Variants in KCNIP4 observed in about 807,000 individuals in gnomAD.
The protein encoded by KCNIP4 is potassium voltage-gated channel interacting protein 4.
Under a neutral mutation model 34.0 loss-of-function variants are expected in KCNIP4, and 12 were observed. The ratio of observed to expected loss-of-function variants is 0.35; its 90% CI spans 0.23 to 0.57. KCNIP4 has a LOEUF of 0.57. KCNIP4 is among the 20% of genes least tolerant of loss of function. KCNIP4 has a pLI of 0.83. For synonymous variants in KCNIP4, 124 were observed against 102.2 expected (o/e 1.21, Z -1.29); for missense variants, 238 against 311.7 (o/e 0.76, Z 1.78).
intron 1 of KCNIP4, among the ~76,000 whole-genome samples, chr4:21,146,405 GA>G (rs5856606): frequency 0.36 from 53,198 of 149,646 alleles, 9,503 homozygotes; most frequent in African/African-American, 0.4. Flanking sequence ...TCAAAAAAAA[GA>G]AAAAAAAAAG....
intron 1 of KCNIP4, among the ~76,000 whole-genome samples, chr4:21,796,970 C>T (rs191887414): frequency 1.3e-5 from 2 of 152,258 alleles, no homozygotes; most frequent in African/African-American, 2.4e-5. Flanking sequence ...AAAGCTTGGA[C>T]ATATTCTGAG....
rs144773769 is a variant in KCNIP4, at chr4:21,583,262, A to T, written c.61+365309T>A. Among the ~76,000 whole-genome samples, 11 of 152,140 alleles carry T rather than the reference A, an allele frequency of 7.2e-5. No homozygotes were observed. In the East Asian group the frequency reaches 1.9e-3, roughly 27 times the overall value. On this transcript the variant is annotated intron_variant, in intron 1 of 8. Transcript: ENST00000382152. ...AGGATTTTAGCATCTGATAAATCTA[A>T]AGTTAAATATCTGAGTTCAAGGCCA...
At chr4:20,973,453 A>T (rs1735170231) in intron 1 of KCNIP4, among the ~76,000 whole-genome samples, 3 of 152,158 alleles carry the variant, frequency 2.0e-5, no homozygotes, top group African/African-American at 7.2e-5. Context: ...GGCTGGTTTG[A>T]TATTCTATTC....
intron 1 of KCNIP4, among the ~76,000 whole-genome samples, chr4:21,421,315 G>A (rs1725433442): frequency 1.3e-5 from 2 of 152,142 alleles, no homozygotes; most frequent in African/African-American, 4.8e-5. Context: ...AGAGATATCT[G>A]CACTCTCATG....
At chr4:21,514,815 C>T (rs945475375) in intron 1 of KCNIP4, among the ~76,000 whole-genome samples, 2 of 152,122 alleles carry the variant, frequency 1.3e-5, no homozygotes, top group Admixed American at 6.5e-5. Context: ...TATAGGCTCT[C>T]CACTCCTTCC....
At chr4:21,183,953 C>A (rs902391711) in intron 1 of KCNIP4, among the ~76,000 whole-genome samples, 5 of 152,088 alleles carry the variant, frequency 3.3e-5, no homozygotes, top group Non-Finnish European at 7.4e-5. Context: ...TATTCCTTTG[C>A]AATAATTGAT....
intron 1 of KCNIP4, among the ~76,000 whole-genome samples, chr4:21,281,159 T>C (rs1385003417): frequency 6.6e-6 from 1 of 150,464 alleles, no homozygotes; most frequent in African/African-American, 2.5e-5. Context: ...CGATCTTGGC[T>C]CACCACAACA....
intron 1 of KCNIP4, among the ~76,000 whole-genome samples, chr4:21,939,536 G>A (rs774105720): frequency 6.6e-6 from 1 of 152,032 alleles, no homozygotes; most frequent in Non-Finnish European, 1.5e-5. Flanking sequence ...GCCTGGTTCT[G>A]CACTCTCATT....
At chr4:21,042,140 G>A (rs115268349) in intron 1 of KCNIP4, among the ~76,000 whole-genome samples, 2,858 of 152,168 alleles carry the variant, frequency 0.019, 79 homozygotes, top group African/African-American at 0.063. Context: ...AGGGTGTTGG[G>A]CATTTCCCTA....
intron 1 of KCNIP4, among the ~76,000 whole-genome samples, chr4:21,114,527 A>T (rs1444143381): frequency 6.6e-6 from 1 of 152,122 alleles, no homozygotes; most frequent in African/African-American, 2.4e-5. Context: ...ATAAAAAAAT[A>T]AAAAATAAAA....
At chr4:21,808,238 T>C (rs951956890) in intron 1 of KCNIP4, among the ~76,000 whole-genome samples, 2 of 152,162 alleles carry the variant, frequency 1.3e-5, no homozygotes, top group African/African-American at 2.4e-5. Flanking sequence ...ATACAGTTGA[T>C]CCTTGAACAC....
At chr4:20,803,414 C>T (rs537604671) in intron 3 of KCNIP4, among the ~76,000 whole-genome samples, 1 of 141,988 alleles carries the variant, frequency 7.0e-6, no homozygotes, top group South Asian at 2.3e-4. Flanking sequence ...GGTGGAATGC[C>T]CTGAGCTCAG....
At position 21,519,785 on chromosome 4, in the gene KCNIP4, ATG is replaced by A. The variant is rs200025206; in HGVS notation, c.61+428784_61+428785del. On this transcript the variant is annotated intron_variant, in intron 1 of 8. Transcript: ENST00000382152. ...TATGTGTGTATACACACGTGTGTGT[ATG>A]TGTGTGTATACACGTGTGTGTATGT... Among the ~76,000 whole-genome samples the A allele has an allele frequency of 4.1e-3, 525 of 128,556 alleles. 13 individuals carry two copies. The highest frequency in any genetic ancestry group is 0.016 in the African/African-American group (491 of 31,474). 84.3% of individuals were successfully genotyped at this position (128,556 alleles called of 152,430 possible). A position where few individuals can be genotyped will look rare whatever the true frequency, so the allele number is the denominator to read the frequency against.
intron 1 of KCNIP4, among the ~76,000 whole-genome samples, chr4:20,884,608 C>T (rs903834855): frequency 3.3e-5 from 5 of 152,028 alleles, no homozygotes; most frequent in African/African-American, 1.2e-4. Context: ...TCTGCTCCTC[C>T]CCTTTATGCC....
At chr4:21,621,136 A>G (rs546146784) in intron 1 of KCNIP4, among the ~76,000 whole-genome samples, 1 of 152,328 alleles carries the variant, frequency 6.6e-6, no homozygotes, top group African/African-American at 2.4e-5. Flanking sequence ...AGTTTTGAGG[A>G]TTGTTGCAAA....
chr4:20,996,128 C>A (rs1344413685), intron 1 of KCNIP4, among the ~76,000 whole-genome samples: 2 of 152,162 alleles, frequency 1.3e-5, no homozygotes, highest in African/African-American at 4.8e-5. Flanking sequence ...CAAATCCAAT[C>A]AACAAATCCC....
intron 1 of KCNIP4, among the ~76,000 whole-genome samples, chr4:21,705,375 G>A (rs904813222): frequency 6.6e-6 from 1 of 152,060 alleles, no homozygotes; most frequent in Non-Finnish European, 1.5e-5. Context: ...TGAGTAAATT[G>A]TACACTGCAT....
intron 1 of KCNIP4, among the ~76,000 whole-genome samples, chr4:21,433,064 T>C (rs543027655): frequency 4.5e-4 from 68 of 152,318 alleles, no homozygotes; most frequent in Non-Finnish European, 7.1e-4. Flanking sequence ...GATTAACTTA[T>C]TGACCCCAAT....
intron 1 of KCNIP4, among the ~76,000 whole-genome samples, chr4:21,602,029 C>T (rs954256963): frequency 6.6e-6 from 1 of 152,142 alleles, no homozygotes; most frequent in Non-Finnish European, 1.5e-5. Flanking sequence ...CTCCCCAACG[C>T]AATTGTAAGG....
Sources: allele counts gnomAD v4.1 joint callset (sites outside exome capture counted in the v4.1 genomes callset), GRCh38; gene constraint gnomAD v4.1.1; transcripts MANE v1.5; gene names NCBI Gene and HGNC (gene_info 2026-07-23, HGNC 2026-07-21).